The following MAP2K5 variants were observed in gnomAD, a reference collection of about 807,000 sequenced individuals.
MAP2K5 encodes dual specificity mitogen-activated protein kinase kinase 5.
A neutral mutation model predicts 83.1 loss-of-function variants in MAP2K5; 49 were observed. That is an observed-to-expected ratio of 0.59 (90% confidence interval 0.47 to 0.75). The LOEUF (loss-of-function observed/expected upper bound fraction) is 0.75, where lower values mean the gene tolerates loss of function less well. Among genes scored for constraint, MAP2K5 ranks in the 30% least tolerant of loss-of-function variants. The pLI, the probability that MAP2K5 is intolerant of heterozygous loss-of-function variation, is 0.00. For synonymous variants in MAP2K5, 202 were observed against 191.8 expected, an observed-to-expected ratio of 1.05 and a Z score of -0.44; for missense variants, 457 against 557.5, an observed-to-expected ratio of 0.82 and a Z score of 1.82.
rs1471250752 is a variant in MAP2K5, at chr15:67,552,534, A to T, written c.184+2452A>T. On this transcript the variant is annotated intron_variant, in intron 2 of 21. Coordinates refer to ENST00000178640, the MANE Select transcript of MAP2K5 (RefSeq NM_145160.3). This position sits in a 1 kb window ranked among gnomAD's most constrained non-coding sequence, Gnocchi z 4.2. ...ACTGCAGCCTTAAACTCCTGGGCTC[A>T]AGTGATCTTCCTGCCTCAGCCTCCC... Among the ~76,000 whole-genome samples the T allele has an allele frequency of 6.6e-6, 1 of 152,146 alleles. No individual in the cohort carries two copies. Among genetic ancestry groups the T allele is most frequent in the Non-Finnish European group, 1.5e-5 (1 of 68,018 alleles).
At chr15:67,727,403 G>A (rs556727529) in intron 16 of MAP2K5, among the ~76,000 whole-genome samples, 40 of 152,250 alleles carry the variant, frequency 2.6e-4, no homozygotes, top group African/African-American at 7.7e-4. Context: ...TTTCCCACTA[G>A]TGGGTAGAAA....
intron 21 of MAP2K5, among the ~76,000 whole-genome samples, chr15:67,799,559 A>G (rs1405394957): frequency 2.0e-5 from 3 of 152,250 alleles, no homozygotes; most frequent in Non-Finnish European, 4.4e-5. Flanking sequence ...TGATGGAGAG[A>G]AAGTATCAGC....
At position 67,778,723 on chromosome 15, in the gene MAP2K5, C is replaced by G. The variant is rs1245290270; in HGVS notation, c.1242+5971C>G. Among the ~76,000 whole-genome samples the G allele has an allele frequency of 6.6e-6, 1 of 152,156 alleles. No individual in the cohort carries two copies. Among genetic ancestry groups the G allele is most frequent in the Non-Finnish European group, 1.5e-5 (1 of 68,030 alleles). ...TACTGTTTACTAGAAGCACGGGGCT[C>G]AGATCAATTCAAAATGATCACCACA... On this transcript the variant is annotated intron_variant, in intron 21 of 21. Transcript: ENST00000178640. This position sits in a 1 kb window ranked among gnomAD's most constrained non-coding sequence, Gnocchi z 5.0.
At position 67,589,256 on chromosome 15, in the gene MAP2K5, C is replaced by G. The variant is rs114123910; in HGVS notation, c.431+2343C>G. 3.5e-3 allele frequency among the ~76,000 whole-genome samples: 519 copies of G among 148,916 alleles called. 7 individuals are homozygous for G. Among genetic ancestry groups the G allele is most frequent in the African/African-American group, 0.012 (490 of 40,560 alleles). ...AGAAATTGCCAGGATACAATTTTTTCTTTTTTTTTTCTTTTTAACCAGACA... is the reference window on the plus strand; with the variant it reads ...AGAAATTGCCAGGATACAATTTTTTGTTTTTTTTTTCTTTTTAACCAGACA... On this transcript the variant is annotated intron_variant, in intron 6 of 21. Transcript: ENST00000178640.
chr15:67,742,277 A>T (rs951307609), intron 17 of MAP2K5, among the ~76,000 whole-genome samples: 3 of 152,210 alleles, frequency 2.0e-5, no homozygotes, highest in Non-Finnish European at 4.4e-5. Flanking sequence ...AAGACAGAAT[A>T]CCTATATGTT....
At position 67,714,413 on chromosome 15, in the gene MAP2K5, G is replaced by GAAAAAAA. The variant is rs2088777375; in HGVS notation, c.1044+11005_1044+11006insAAAAAAA. On this transcript the variant is annotated intron_variant, in intron 16 of 21. Transcript: ENST00000178640. ...CCCCCCACCCCTACCCAGCTGCCAGGGAAAAAAAAAAAAAAAAAAAAAAAA... is the reference window on the plus strand; with the variant it reads ...CCCCCCACCCCTACCCAGCTGCCAGGAAAAAAAGAAAAAAAAAAAAAAAAAAAAAAAA... 6.8e-4 allele frequency among the ~76,000 whole-genome samples: 29 copies of GAAAAAAA among 42,682 alleles called. 14 individuals are homozygous for GAAAAAAA. The highest frequency in any genetic ancestry group is 2.1e-3 in the African/African-American group (27 of 12,740). 28.0% of individuals were successfully genotyped at this position (42,682 alleles called of 152,430 possible).
intron 11 of MAP2K5, among the ~76,000 whole-genome samples, chr15:67,657,750 A>G (rs1461142913): frequency 6.6e-6 from 1 of 152,056 alleles, no homozygotes. Flanking sequence ...ATGTGTCTAT[A>G]TGCATATATA....
At chr15:67,703,865 A>G (rs2088482669) in intron 16 of MAP2K5, among the ~76,000 whole-genome samples, 1 of 152,144 alleles carries the variant, frequency 6.6e-6, no homozygotes, top group Non-Finnish European at 1.5e-5. Context: ...TCATTTAGAT[A>G]TATAAGTTAT....
chr15:67,603,084 C>T (rs1304596126), intron 8 of MAP2K5, among the ~76,000 whole-genome samples: 1 of 149,160 alleles, frequency 6.7e-6, no homozygotes, highest in African/African-American at 2.4e-5. Flanking sequence ...GTGAAATACA[C>T]ATAACTCAAG....
chr15:67,749,350 TA>T lies in MAP2K5; in HGVS notation c.1134+754del, dbSNP rs2089671480. Among the ~76,000 whole-genome samples the T allele has an allele frequency of 6.6e-6, 1 of 152,238 alleles. No individual in the cohort carries two copies. Among genetic ancestry groups the T allele is most frequent in the Non-Finnish European group, 1.5e-5 (1 of 68,034 alleles). ...TTTCAAGAAACATTAACATTTTCTT[TA>T]AAAACTGAGATTTTTGGGGCTTGGG... On this transcript the variant is annotated intron_variant, in intron 19 of 21. Coordinates refer to ENST00000178640, the MANE Select transcript of MAP2K5 (RefSeq NM_145160.3). This position sits in a 1 kb window ranked among gnomAD's most constrained non-coding sequence, Gnocchi z 4.6.
rs2088734897 is a variant in MAP2K5 at position 67,713,087 on chromosome 15, A to G, written c.1044+9679A>G. Among the ~76,000 whole-genome samples the G allele has an allele frequency of 2.0e-5, 3 of 152,344 alleles. No individual in the cohort carries two copies. The South Asian group carries it at 6.2e-4, about 32-fold the overall frequency. On this transcript the variant is annotated intron_variant, in intron 16 of 21. Transcript: ENST00000178640. ...TAATGTTATAACATGGGAAAAATAT[A>G]TGTTTGTACAAGATTGCCCTTCTCT...
chr15:67,680,210 C>T (rs374861295), intron 13 of MAP2K5, among the ~76,000 whole-genome samples: 7 of 152,224 alleles, frequency 4.6e-5, no homozygotes, highest in African/African-American at 1.7e-4. Flanking sequence ...CACATTTTGT[C>T]TGCTTATTTA....
rs1418160713 is a variant in MAP2K5 at position 67,559,222 on chromosome 15, G to A, written c.185-4061G>A. 1.3e-5 allele frequency among the ~76,000 whole-genome samples: 2 copies of A among 152,198 alleles called. No individual in the cohort carries two copies. The highest frequency in any genetic ancestry group is 3.8e-4 in the East Asian group (2 of 5,202). On this transcript the variant is annotated intron_variant, in intron 2 of 21. Transcript: ENST00000178640. The surrounding 1 kb of genome is among the most constrained non-coding windows in gnomAD (Gnocchi z 4.7). ...AATTGCCACCTGGCACAGAAGGAGTGTGACAAATGACATATAATATATTGC... is the reference window on the plus strand; with the variant it reads ...AATTGCCACCTGGCACAGAAGGAGTATGACAAATGACATATAATATATTGC...
rs575930241 is a variant in MAP2K5 at position 67,677,101 on chromosome 15, TA to T, written c.847+12459del. 2.2e-3 allele frequency among the ~76,000 whole-genome samples: 335 copies of T among 152,336 alleles called. No individual in the cohort carries two copies. The highest frequency in any genetic ancestry group is 3.5e-3 in the Non-Finnish European group (239 of 68,018). ...TTCTTAGAAAATTAGCCTGTGAGTA[TA>T]AAGAACTTAAAACATCTGGGCTATT... On this transcript the variant is annotated intron_variant, in intron 13 of 21. Coordinates refer to ENST00000178640, the MANE Select transcript of MAP2K5 (RefSeq NM_145160.3). This position sits in a 1 kb window ranked among gnomAD's most constrained non-coding sequence, Gnocchi z 4.2.
At chr15:67,611,261 G>A (rs2085917281) in intron 8 of MAP2K5, among the ~76,000 whole-genome samples, 1 of 152,102 alleles carries the variant, frequency 6.6e-6, no homozygotes, top group South Asian at 2.1e-4. Flanking sequence ...TATAAGTGGT[G>A]GGGTAAAATA....
In MAP2K5 at chr15:67,750,604, A is replaced by T. The variant is rs994248807; in HGVS notation, c.1134+2003A>T. 6.6e-6 allele frequency among the ~76,000 whole-genome samples: 1 copy of T among 152,152 alleles called. No individual in the cohort carries two copies. Among genetic ancestry groups the T allele is most frequent in the African/African-American group, 2.4e-5 (1 of 41,426 alleles). ...TCCTGAGCCCAGATCGCTGAATTAG[A>T]CTTTCTAGGGATCGTGCCTAGAATC... On this transcript the variant is annotated intron_variant, in intron 19 of 21. Coordinates refer to ENST00000178640, the MANE Select transcript of MAP2K5 (RefSeq NM_145160.3). The surrounding 1 kb of genome is among the most constrained non-coding windows in gnomAD (Gnocchi z 4.2).
chr15:67,599,409 A>T (rs942014039), intron 7 of MAP2K5, among the ~76,000 whole-genome samples: 1 of 152,172 alleles, frequency 6.6e-6, no homozygotes, highest in Non-Finnish European at 1.5e-5. Flanking sequence ...GATTGGTAAA[A>T]TGGCTTGGAA....
intron 13 of MAP2K5, among the ~76,000 whole-genome samples, chr15:67,666,225 A>T (rs2087375532): frequency 6.6e-6 from 1 of 152,174 alleles, no homozygotes; most frequent in African/African-American, 2.4e-5. Flanking sequence ...TCTAGCTATA[A>T]CTTTGTGCAA....
rs993188148 is a variant in MAP2K5 at position 67,638,240 on chromosome 15, A to G, written c.585+7313A>G. ...CCCACTTCACCCTCCACCTTCTGAT[A>G]GGCCACAGTGTGTGGTGTTTCCCTC... On this transcript the variant is annotated intron_variant, in intron 9 of 21. Transcript: ENST00000178640. This position sits in a 1 kb window ranked among gnomAD's most constrained non-coding sequence, Gnocchi z 4.5. Among the ~76,000 whole-genome samples the G allele has an allele frequency of 6.6e-6, 1 of 152,124 alleles. No individual in the cohort carries two copies. Among genetic ancestry groups the G allele is most frequent in the Admixed American group, 6.5e-5 (1 of 15,276 alleles).
Sources: gnomAD v4.1 joint callset for allele counts (sites outside exome capture counted in the v4.1 genomes callset) on GRCh38, gnomAD v4.1.1 for gene constraint, Gnocchi (gnomAD v3.1) non-coding constraint, MANE v1.5 for transcripts, NCBI Gene and HGNC (gene_info 2026-07-23, HGNC 2026-07-21) for gene names.